Variants in BACH2 observed in about 807,000 individuals in gnomAD.
BACH2 encodes the protein transcription regulator protein BACH2.
BACH2 carries 5 observed loss-of-function variants against 61.8 expected under a neutral mutation model. The observed-to-expected ratio is 0.08, with a 90% CI of 0.04 to 0.17. The LOEUF is 0.17. Among genes scored for constraint, BACH2 ranks in the 10% least tolerant of loss-of-function variants. The pLI is 1.00. For synonymous variants in BACH2, 446 were observed against 440.1 expected (o/e 1.01, Z -0.17); for missense variants, 824 against 1,091.1 (o/e 0.76, Z 3.45).
intron 5 of BACH2, among the ~76,000 whole-genome samples, chr6:90,074,454 G>C (rs1781382503): frequency 1.3e-5 from 2 of 152,102 alleles, no homozygotes. Flanking sequence ...TTGTCAGTTG[G>C]AAACACCATA....
rs993094861 is a variant in BACH2 at position 89,999,753 on chromosome 6, A to T, written c.243+8849T>A. The stretch of plus-strand genomic sequence containing the variant: ...CATGAAGGATATTTTGTTCATATAC[A>T]GAGGAGTTTAAAAATGAATAGATAC... On this transcript the variant is annotated intron_variant, in intron 6 of 8. Transcript: ENST00000257749. Among the ~76,000 whole-genome samples, 21 of 152,332 alleles carry T rather than the reference A, an allele frequency of 1.4e-4. 1 individual carries two copies. The highest frequency in any genetic ancestry group is 1.1e-3 in the Admixed American group (17 of 15,298).
In BACH2 at chr6:89,951,295, C is replaced by A; in HGVS notation, c.811G>T (p.Ala271Ser). The A allele has an allele frequency of 6.2e-7, 1 of 1,614,226 alleles. No individual in the cohort carries two copies. The highest frequency in any genetic ancestry group is 8.5e-7 in the Non-Finnish European group (1 of 1,180,044). ...GGCTCACTTTTAATCTGCCCCCTGGCAAGCCCCGGCTTGAGGCTGTTGCTA... is the reference window on the plus strand; with the variant it reads ...GGCTCACTTTTAATCTGCCCCCTGGAAAGCCCCGGCTTGAGGCTGTTGCTA... ...NSSNSLKPGLARGQIKSEPPS... is the reference protein window; with the variant it reads ...NSSNSLKPGLSRGQIKSEPPS... Residue 271 changes from alanine to serine, a missense_variant, in exon 7 of 9, where the codon GCC (alanine) becomes TCC (serine). This residue lies in a region of BACH2 where 226 missense variants were observed against 228.5 expected (regional missense o/e 0.99). Coordinates refer to ENST00000257749, the MANE Select transcript of BACH2 (RefSeq NM_021813.4). The surrounding 1 kb of genome is among the most constrained non-coding windows in gnomAD (Gnocchi z 6.4).
chr6:90,229,977 G>T (rs1019635961), intron 3 of BACH2, among the ~76,000 whole-genome samples: 2 of 152,156 alleles, frequency 1.3e-5, no homozygotes, highest in Non-Finnish European at 2.9e-5. Flanking sequence ...TGAGGCAGTG[G>T]TTCCCAGCCC....
In BACH2 at chr6:90,238,997, G is replaced by C. The variant is rs73755604; in HGVS notation, c.-275+13516C>G. On this transcript the variant is annotated intron_variant, in intron 3 of 8. Transcript: ENST00000257749. Reference sequence around the variant, plus strand: ...TACATTTTAACACAGAGTCAAAATTGCAAAGTTAAACGACCACTAACTCAA... The same window carrying C: ...TACATTTTAACACAGAGTCAAAATTCCAAAGTTAAACGACCACTAACTCAA... 6.5e-3 allele frequency among the ~76,000 whole-genome samples: 985 copies of C among 152,296 alleles called. 11 individuals carry two copies. The highest frequency in any genetic ancestry group is 0.023 in the African/African-American group (940 of 41,552).
intron 5 of BACH2, among the ~76,000 whole-genome samples, chr6:90,047,793 G>T (rs1236604618): frequency 6.6e-6 from 1 of 152,060 alleles, no homozygotes; most frequent in East Asian, 1.9e-4. Context: ...CCAGAACTTG[G>T]GTTGGCACTC....
intron 5 of BACH2, among the ~76,000 whole-genome samples, chr6:90,011,534 T>C (rs1038608986): frequency 2.6e-5 from 4 of 152,112 alleles, no homozygotes; most frequent in African/African-American, 9.7e-5. Flanking sequence ...TGTCTACTTT[T>C]GTTTTGTTTT....
Position 89,951,647 on chromosome 6 carries a change from G to C in BACH2, c.459C>G (p.His153Gln). 2 of 1,614,192 alleles carry C rather than the reference G, an allele frequency of 1.2e-6. No individual in the cohort carries two copies. Among genetic ancestry groups the C allele is most frequent in the Non-Finnish European group, 8.5e-7 (1 of 1,180,042 alleles). The part of the protein sequence containing the change: ...CRKDAACQRP[H>Q]EDCENSAGEE... ...CTCCTGCAGAGTTCTCGCAGTCCTC[G>C]TGTGGGCGCTGGCACGCAGCATCCT... Residue 153 changes from histidine to glutamine, a missense_variant, in exon 7 of 9, where the codon CAC (histidine) becomes CAG (glutamine). Transcript: ENST00000257749. This position sits in a 1 kb window ranked among gnomAD's most constrained non-coding sequence, Gnocchi z 6.4.
At chr6:90,235,874 T>C (rs1177002625) in intron 3 of BACH2, among the ~76,000 whole-genome samples, 1 of 152,240 alleles carries the variant, frequency 6.6e-6, no homozygotes, top group Non-Finnish European at 1.5e-5. Flanking sequence ...CTGGCCTTCC[T>C]CTTTTCATTG....
chr6:90,055,938 A>T (rs1253497563), intron 5 of BACH2, among the ~76,000 whole-genome samples: 1 of 152,144 alleles, frequency 6.6e-6, no homozygotes, highest in Non-Finnish European at 1.5e-5. Flanking sequence ...TTTTGTCACC[A>T]CCAGGCCTGC....
At chr6:89,963,134 T>C (rs1200536226) in intron 6 of BACH2, among the ~76,000 whole-genome samples, 1 of 152,176 alleles carries the variant, frequency 6.6e-6, no homozygotes, top group Non-Finnish European at 1.5e-5. Flanking sequence ...TATGAAAAGA[T>C]GCTCAACGTC....
intron 4 of BACH2, among the ~76,000 whole-genome samples, chr6:90,122,654 C>T (rs1223212231): frequency 6.6e-6 from 1 of 152,146 alleles, no homozygotes; most frequent in Non-Finnish European, 1.5e-5. Flanking sequence ...TTTCTGCATC[C>T]CAGGAGAGCC....
At chr6:90,226,843 T>C (rs1769931433) in intron 3 of BACH2, among the ~76,000 whole-genome samples, 1 of 152,222 alleles carries the variant, frequency 6.6e-6, no homozygotes, top group South Asian at 2.1e-4. Flanking sequence ...ACCATTAGTA[T>C]TAAATTTCAG....
intron 2 of BACH2, among the ~76,000 whole-genome samples, chr6:90,256,484 G>T (rs1285097483): frequency 1.3e-5 from 2 of 152,170 alleles, no homozygotes; most frequent in African/African-American, 4.8e-5. Context: ...AAGATGGAAG[G>T]AATCTGAATT....
chr6:90,278,661 T>C (rs1244483649), intron 1 of BACH2, among the ~76,000 whole-genome samples: 2 of 152,194 alleles, frequency 1.3e-5, no homozygotes, highest in Non-Finnish European at 2.9e-5. Context: ...AGTGCTCTAC[T>C]TTGTGGGTTC....
chr6:89,969,101 T>C (rs1775216615), intron 6 of BACH2, among the ~76,000 whole-genome samples: 1 of 146,446 alleles, frequency 6.8e-6, no homozygotes, highest in Non-Finnish European at 1.5e-5. Context: ...TTGCCCAGGC[T>C]GGAGTGCAAT....
intron 4 of BACH2, chr6:90,116,928 C>T: frequency 2.2e-6 from 1 of 455,170 alleles, no homozygotes; most frequent in Non-Finnish European, 3.9e-6. Flanking sequence ...TCCCTATGTC[C>T]AAGTACATGT....
At chr6:90,259,388 T>C (rs1178546252) in intron 2 of BACH2, among the ~76,000 whole-genome samples, 2 of 152,236 alleles carry the variant, frequency 1.3e-5, no homozygotes. Context: ...GATCTGCAGA[T>C]GTTAAACCAG....
chr6:90,042,279 G>A (rs535145540), intron 5 of BACH2, among the ~76,000 whole-genome samples: 5 of 152,058 alleles, frequency 3.3e-5, no homozygotes, highest in Admixed American at 6.6e-5. Context: ...TGCAACCTCC[G>A]CCTTTTGGGC....
rs117187515 is a variant in BACH2, at chr6:90,132,913, T to A, written c.-161-43804A>T. 1.9e-3 allele frequency among the ~76,000 whole-genome samples: 284 copies of A among 152,250 alleles called. 6 individuals carry two copies. The East Asian group carries it at 0.039, about 21-fold the overall frequency. On this transcript the variant is annotated intron_variant, in intron 4 of 8. Transcript: ENST00000257749. The stretch of plus-strand genomic sequence containing the variant: ...TTCCCACCCAAAGTGCCCACTTCTG[T>A]CCAGTTACGCTCCAAGACCCAGTTA...
Sources: allele counts gnomAD v4.1 joint callset (sites outside exome capture counted in the v4.1 genomes callset), GRCh38; gene constraint gnomAD v4.1.1; regional missense constraint gnomAD v4.1.1; non-coding constraint Gnocchi (gnomAD v3.1); transcripts MANE v1.5; gene names NCBI Gene and HGNC (gene_info 2026-07-23, HGNC 2026-07-21).